PITPNC1: variants seen among roughly 807,000 people sequenced by gnomAD.
PITPNC1 encodes the protein phosphatidylinositol transfer protein cytoplasmic 1.
In PITPNC1, 18 loss-of-function variants were observed where a neutral mutation model predicts 44.7. The ratio of observed to expected loss-of-function variants is 0.40; its 90% CI spans 0.28 to 0.60. The LOEUF (loss-of-function observed/expected upper bound fraction) is 0.60, where lower values mean the gene tolerates loss of function less well. Among genes scored for constraint, PITPNC1 ranks in the 20% least tolerant of loss-of-function variants. The probability of loss-of-function intolerance (pLI) is 0.39; values close to 1 mark genes in which losing one functional copy is unlikely to be tolerated. For synonymous variants in PITPNC1, 141 were observed against 149.6 expected, an observed-to-expected ratio of 0.94 and a Z score of 0.42; for missense variants, 290 against 418.4, an observed-to-expected ratio of 0.69 and a Z score of 2.68.
At chr17:67,576,927 TCC>T (rs2041157535) in intron 4 of PITPNC1, among the ~76,000 whole-genome samples, 1 of 152,182 alleles carries the variant, frequency 6.6e-6, no homozygotes, top group Non-Finnish European at 1.5e-5. Flanking sequence ...TAATTATTAC[TCC>T]TGTTTTAACT....
chr17:67,498,262 T>C (rs1333459491), intron 1 of PITPNC1, among the ~76,000 whole-genome samples: 1 of 152,212 alleles, frequency 6.6e-6, no homozygotes, highest in East Asian at 1.9e-4. Context: ...GTTATCTTTT[T>C]AATTAATTTA....
chr17:67,403,063 T>C (rs553626204), intron 1 of PITPNC1, among the ~76,000 whole-genome samples: 2 of 152,232 alleles, frequency 1.3e-5, no homozygotes, highest in Admixed American at 6.5e-5. Flanking sequence ...TGTCTTTCTC[T>C]AAGTCACTGA....
intron 6 of PITPNC1, among the ~76,000 whole-genome samples, chr17:67,663,316 TCCCAG>T (rs1422207313): frequency 1.3e-5 from 2 of 152,086 alleles, no homozygotes; most frequent in Non-Finnish European, 2.9e-5. Flanking sequence ...CTGCCTGTAA[TCCCAG>T]CACTTTGGGA....
At chr17:67,675,659 C>T in intron 8 of PITPNC1, 117 bp downstream of exon 8, 1 of 729,730 alleles carries the variant, frequency 1.4e-6, no homozygotes, top group Non-Finnish European at 2.5e-6. Flanking sequence ...GCCGCTGCTT[C>T]CTGTGTTGGA....
intron 1 of PITPNC1, among the ~76,000 whole-genome samples, chr17:67,385,302 G>T (rs1277720225): frequency 6.6e-6 from 1 of 152,176 alleles, no homozygotes; most frequent in Non-Finnish European, 1.5e-5. Flanking sequence ...TCAGCACTCT[G>T]CAAAAACGCA....
At chr17:67,604,700 T>C (rs1205627505) in intron 5 of PITPNC1, among the ~76,000 whole-genome samples, 1 of 152,112 alleles carries the variant, frequency 6.6e-6, no homozygotes, top group African/African-American at 2.4e-5. Context: ...CAAGAATCAC[T>C]TGAACCCAGG....
chr17:67,489,953 A>T (rs1392812245), intron 1 of PITPNC1, among the ~76,000 whole-genome samples: 1 of 152,142 alleles, frequency 6.6e-6, no homozygotes. Context: ...CATGTTGGCC[A>T]GGCTGGTCTC....
chr17:67,606,602 C>T (rs181126014), intron 5 of PITPNC1, among the ~76,000 whole-genome samples: 2 of 152,286 alleles, frequency 1.3e-5, no homozygotes, highest in East Asian at 3.9e-4. Flanking sequence ...ATCTCAGAAA[C>T]CTATTTAAAG....
chr17:67,678,749 C>T (rs572120655), intron 8 of PITPNC1, among the ~76,000 whole-genome samples: 90 of 152,280 alleles, frequency 5.9e-4, no homozygotes, highest in Non-Finnish European at 1.1e-3. Context: ...GCCACTGGTA[C>T]CCAGGCTAAG....
chr17:67,406,880 C>T (rs1442621231), intron 1 of PITPNC1, among the ~76,000 whole-genome samples: 5 of 152,172 alleles, frequency 3.3e-5, no homozygotes, highest in African/African-American at 1.2e-4. Context: ...AGCCACCATG[C>T]CTGGCCTCAT....
intron 1 of PITPNC1, among the ~76,000 whole-genome samples, chr17:67,479,176 C>G (rs2039671043): frequency 6.6e-6 from 1 of 152,196 alleles, no homozygotes; most frequent in African/African-American, 2.4e-5. Flanking sequence ...CAGTTATGAG[C>G]CACTGCCTCC....
At chr17:67,435,128 AAAG>A (rs1212713369) in intron 1 of PITPNC1, among the ~76,000 whole-genome samples, 1 of 150,884 alleles carries the variant, frequency 6.6e-6, no homozygotes, top group African/African-American at 2.4e-5. Context: ...AAAAAAAAAA[AAAG>A]AAGCCCAGAG....
chr17:67,667,490 C>CAAAAAAAAAAAAA lies in PITPNC1; in HGVS notation c.463-2012_463-2000dup, dbSNP rs71139168. On this transcript the variant is annotated intron_variant, in intron 6 of 8. Transcript: ENST00000581322. Reference sequence around the variant, plus strand: ...GCCGCAGTGAGCCATGATCCTTTCTCAAAAAAAAAAAAAAAAAAGTACTGA... The same window carrying CAAAAAAAAAAAAA: ...GCCGCAGTGAGCCATGATCCTTTCTCAAAAAAAAAAAAAAAAAAAAAAAAAAAAAAAGTACTGA... 4.5e-4 allele frequency among the ~76,000 whole-genome samples: 48 copies of CAAAAAAAAAAAAA among 107,654 alleles called. 2 individuals are homozygous for CAAAAAAAAAAAAA. Among genetic ancestry groups the CAAAAAAAAAAAAA allele is most frequent in the Non-Finnish European group, 5.5e-4 (30 of 54,062 alleles). 70.6% of individuals were successfully genotyped at this position (107,654 alleles called of 152,430 possible). A position where few individuals can be genotyped will look rare whatever the true frequency, so the allele number is the denominator to read the frequency against.
chr17:67,523,194 C>T (rs1368947262), intron 1 of PITPNC1, among the ~76,000 whole-genome samples: 2 of 152,184 alleles, frequency 1.3e-5, no homozygotes, highest in African/African-American at 4.8e-5. Flanking sequence ...AGTGGAAATT[C>T]TCAAGCTTTT....
chr17:67,427,062 T>A (rs2038777151), intron 1 of PITPNC1, among the ~76,000 whole-genome samples: 1 of 152,180 alleles, frequency 6.6e-6, no homozygotes, highest in South Asian at 2.1e-4. Flanking sequence ...TCAGGTGACC[T>A]TCTCCTAATC....
chr17:67,436,908 GTTT>G (rs1044625193), intron 1 of PITPNC1, among the ~76,000 whole-genome samples: 2 of 68,456 alleles, frequency 2.9e-5, no homozygotes, highest in African/African-American at 5.7e-5. Context: ...AAATAGGGGT[GTTT>G]TTTTTTTTTT....
At chr17:67,575,791 TTTCC>T (rs1278793926) in intron 4 of PITPNC1, among the ~76,000 whole-genome samples, 8 of 21,322 alleles carry the variant, frequency 3.8e-4, no homozygotes, top group African/African-American at 9.3e-4. Flanking sequence ...CTTTTCTTTC[TTTCC>T]TTCTTTCTTT....
At chr17:67,414,449 A>G (rs764809087) in intron 1 of PITPNC1, among the ~76,000 whole-genome samples, 1 of 147,200 alleles carries the variant, frequency 6.8e-6, no homozygotes, top group Non-Finnish European at 1.5e-5. Context: ...ACCCCCCCAT[A>G]TATACTGTAT....
intron 5 of PITPNC1, among the ~76,000 whole-genome samples, chr17:67,614,213 T>C (rs1486713011): frequency 1.3e-5 from 2 of 152,114 alleles, no homozygotes; most frequent in African/African-American, 2.4e-5. Context: ...TGAAGTGGGC[T>C]TTCCCTACTT....
Sources: gnomAD v4.1 joint callset for allele counts (sites outside exome capture counted in the v4.1 genomes callset) on GRCh38, gnomAD v4.1.1 for gene constraint, MANE v1.5 for transcripts, NCBI Gene and HGNC (gene_info 2026-07-23, HGNC 2026-07-21) for gene names.